The following ZNF311 variants were observed in gnomAD, a reference collection of about 807,000 sequenced individuals.
ZNF311 encodes zinc finger protein 311.
In ZNF311, 14 loss-of-function variants were observed where a neutral mutation model predicts 22.7. The observed-to-expected ratio is 0.62, with a 90% confidence interval of 0.41 to 0.96. ZNF311 has a LOEUF of 0.96. Ranked by LOEUF, ZNF311 falls within the 40% of genes least tolerant of loss-of-function variation. ZNF311 has a pLI of 0.00. For synonymous variants in ZNF311, 250 were observed against 275.3 expected (o/e 0.91, Z 0.91); for missense variants, 731 against 799.0 (o/e 0.91, Z 1.03).
chr6:28,999,403 G>A, intron 5 of ZNF311, 84 bp downstream of exon 5: 2 of 1,285,996 alleles, frequency 1.6e-6, no homozygotes, highest in South Asian at 4.5e-5. Flanking sequence ...CTTTCAATAT[G>A]AGACCTTATA....
At chr6:29,000,724 A>G (rs1780326862) in intron 3 of ZNF311, among the ~76,000 whole-genome samples, 1 of 152,136 alleles carries the variant, frequency 6.6e-6, no homozygotes, top group African/African-American at 2.4e-5. Context: ...GAAACTTTAT[A>G]AAGAGTGTCC....
Position 28,995,593 on chromosome 6 carries a change from C to T in ZNF311, c.1409G>A (p.Arg470His), listed in dbSNP as rs1471266659. Residue 470 changes from arginine to histidine, a missense_variant, in exon 7 of 7, where the codon CGT (arginine) becomes CAT (histidine). Transcript: ENST00000377179. This position sits in a 1 kb window ranked among gnomAD's most constrained non-coding sequence, Gnocchi z 4.7. ...TTTCCCACACTCCTCACACCTGTAA[C>T]GTTTCTCTTCAGTGTGGATCCTTCT... ...KHRRIHTEEK[R>H]YRCEECGKAF... 6.8e-6 allele frequency: 11 copies of T among 1,613,282 alleles called. No homozygotes were observed. The highest frequency in any genetic ancestry group is 9.3e-6 in the Non-Finnish European group (11 of 1,179,972).
At position 28,996,014 on chromosome 6, in the gene ZNF311, G is replaced by A; in HGVS notation, c.988C>T (p.Pro330Ser). Residue 330 changes from proline (P) to serine (S), a missense_variant, in exon 7 of 7, where the codon CCT becomes TCT. Coordinates refer to ENST00000377179, the MANE Select transcript of ZNF311 (RefSeq NM_001382360.1). ...TTCCCACAGTCCCTGCACTCGTGAG[G>A]CTTCTCCCCACTGTGGGTTTTTTTA... ...RHKKTHSGEK[P>S]HECRDCGKAF... 1 of 1,613,608 alleles carries A rather than the reference G, an allele frequency of 6.2e-7. No individual in the cohort carries two copies. The highest frequency in any genetic ancestry group is 1.6e-4 in the Middle Eastern group (1 of 6,062).
rs1289036715 is a variant in ZNF311 at position 29,003,765 on chromosome 6, C to T, written c.10-171G>A. ...AATACCTTATGAAAACTAGAAATGG[C>T]ATCTACAACTACAAAGCTTTAATGA... On this transcript the variant is annotated intron_variant, in intron 2 of 6. Transcript: ENST00000377179. 20 of 1,433,130 alleles carry T rather than the reference C, an allele frequency of 1.4e-5. No individual in the cohort carries two copies. In the Admixed American group the frequency reaches 3.8e-4, roughly 27 times the overall value. The allele number at this position is 1,433,130 out of a possible 1,614,324, so 88.8% of individuals were successfully genotyped here.
rs6456880 is a variant in ZNF311, at chr6:28,995,471, T to G, written c.1531A>C (p.Lys511Gln). 729,358 of 1,613,784 alleles carry G rather than the reference T, an allele frequency of 0.45. 177,008 individuals are homozygous for G. The highest frequency in any genetic ancestry group is 0.89 in the African/African-American group (66,671 of 74,980). Residue 511 changes from lysine to glutamine, a missense_variant, in exon 7 of 7, where the codon AAG becomes CAG. Coordinates refer to ENST00000377179, the MANE Select transcript of ZNF311 (RefSeq NM_001382360.1). This position sits in a 1 kb window ranked among gnomAD's most constrained non-coding sequence, Gnocchi z 4.7. ...CRDCGKTFQD[K>Q]HCLTIHQRIH... ...CTCTGATGGATGGTAAGGCAGTGCT[T>G]ATCTTGGAAGGTTTTCCCACAATCC...
chr6:28,998,590 C>G (rs1290677843), intron 6 of ZNF311, 144 bp downstream of exon 6: 1 of 579,742 alleles, frequency 1.7e-6, no homozygotes, highest in African/African-American at 1.9e-5. Flanking sequence ...TAGTTTGTCA[C>G]TGTTTCAATT....
Position 28,994,850 on chromosome 6 carries a change from A to G in ZNF311, c.*151T>C. The G allele has an allele frequency of 2.4e-6, 2 of 835,760 alleles. No individual in the cohort carries two copies. The highest frequency in any genetic ancestry group is 3.6e-6 in the Non-Finnish European group (2 of 561,050). The allele number at this position is 835,760 out of a possible 1,614,324, so 51.8% of individuals were successfully genotyped here. A position where few individuals can be genotyped will look rare whatever the true frequency, so the allele number is the denominator to read the frequency against. On this transcript the variant is annotated 3_prime_UTR_variant, in exon 7 of 7. Coordinates refer to ENST00000377179, the MANE Select transcript of ZNF311 (RefSeq NM_001382360.1). ...TAAACTCTTGGAAGTAAATGTGCTCACTGAAAAAATAGTGAATAAGAAGGT... is the reference window on the plus strand; with the variant it reads ...TAAACTCTTGGAAGTAAATGTGCTCGCTGAAAAAATAGTGAATAAGAAGGT...
chr6:28,998,596 C>T, intron 6 of ZNF311, 138 bp downstream of exon 6: 1 of 598,174 alleles, frequency 1.7e-6, no homozygotes, highest in Non-Finnish European at 2.9e-6. Context: ...GTCACTGTTT[C>T]AATTTTCTTT....
Position 29,000,008 on chromosome 6 carries a change from C to G in ZNF311, c.131G>C (p.Gly44Ala). The change falls in exon 4 of 7, where the codon GGA becomes GCA. Residue 44 changes from glycine to alanine, a missense_variant. Gly to Ala is a moderately conservative substitution (Grantham distance 60). Coordinates refer to ENST00000377179, the MANE Select transcript of ZNF311 (RefSeq NM_001382360.1). ...TGCTTGCGGCAGGTTTCCTTGGCTTCCATCTTTAGTGAAGGCAGGATATGG... is the reference window on the plus strand; with the variant it reads ...TGCTTGCGGCAGGTTTCCTTGGCTTGCATCTTTAGTGAAGGCAGGATATGG... ...PAPYPAFTKD[G>A]SQGNLPQADI... 1 of 1,613,680 alleles carries G rather than the reference C, an allele frequency of 6.2e-7. No individual in the cohort carries two copies. The highest frequency in any genetic ancestry group is 8.5e-7 in the Non-Finnish European group (1 of 1,179,928).
intron 1 of ZNF311, 58 bp from the exon 2 acceptor site, chr6:29,004,272 C>G: frequency 8.1e-7 from 1 of 1,238,784 alleles, no homozygotes; most frequent in Non-Finnish European, 1.0e-6. Context: ...TAGGGAGTCA[C>G]TGAGAACCTG....
At chr6:29,004,437 CCTTT>C (rs1382127208) in intron 1 of ZNF311, among the ~76,000 whole-genome samples, 58 of 32,146 alleles carry the variant, frequency 1.8e-3, no homozygotes, top group South Asian at 0.017. Flanking sequence ...TTGCCTTCCT[CCTTT>C]CTTTTTTTTT....
Position 28,995,339 on chromosome 6 carries a change from G to A in ZNF311, c.1663C>T (p.His555Tyr), listed in dbSNP as rs767910604. ...GCCATTCCACATACCTCACATTTGT[G>A]AGGCTTCTCTCCAGTGTGAATTCTT... Reference protein sequence around the residue: ...HRRIHTGEKPHKCEVCGMAFH... With the variant: ...HRRIHTGEKPYKCEVCGMAFH... The change falls in exon 7 of 7, where the codon CAC becomes TAC. Residue 555 changes from histidine (H) to tyrosine (Y), a missense_variant. His to Tyr is a moderately conservative substitution (Grantham distance 83). Transcript: ENST00000377179. This position sits in a 1 kb window ranked among gnomAD's most constrained non-coding sequence, Gnocchi z 4.7. 35 of 1,613,838 alleles carry A rather than the reference G, an allele frequency of 2.2e-5. No homozygotes were observed. The highest frequency in any genetic ancestry group is 3.3e-5 in the Admixed American group (2 of 59,998).
intron 6 of ZNF311, among the ~76,000 whole-genome samples, chr6:28,997,219 G>A (rs1480443039): frequency 6.6e-6 from 1 of 152,172 alleles, no homozygotes; most frequent in Non-Finnish European, 1.5e-5. Context: ...TTGGTACAGA[G>A]GAGGGAATGT....
chr6:28,995,135 T>C lies in ZNF311; in HGVS notation c.1867A>G (p.Ser623Gly), dbSNP rs755588175. 6.2e-7 allele frequency: 1 copy of C among 1,614,042 alleles called. No individual in the cohort carries two copies. The highest frequency in any genetic ancestry group is 1.1e-5 in the South Asian group (1 of 91,082). The change falls in exon 7 of 7, where the codon AGC becomes GGC. Residue 623 changes from serine (S) to glycine (G), a missense_variant. By Grantham distance (56) the Ser-to-Gly change is moderately conservative. Coordinates refer to ENST00000377179, the MANE Select transcript of ZNF311 (RefSeq NM_001382360.1). The surrounding 1 kb of genome is among the most constrained non-coding windows in gnomAD (Gnocchi z 4.7). ...CEECGKAFRV[S>G]SNLTGHKKRK... ...TTCTTATGTCCAGTAAGATTTGAGC[T>C]CACTCTAAAAGCTTTTCCACATTCC...
chr6:28,999,515 C>T lies in ZNF311; in HGVS notation c.282G>A (p.Leu94=). Residue 94 remains leucine, a synonymous_variant, in exon 5 of 7, where the codon TTG becomes TTA. Coordinates refer to ENST00000377179, the MANE Select transcript of ZNF311 (RefSeq NM_001382360.1). The part of the protein sequence containing the change: ...AQRHLYKDVM[L]ENYGNMVSLG... ...GTGATACCATGTTCCCATAATTTTCCAACATCACATCCTTATAGAGATGCC... is the reference window on the plus strand; with the variant it reads ...GTGATACCATGTTCCCATAATTTTCTAACATCACATCCTTATAGAGATGCC... The T allele has an allele frequency of 1.9e-6, 3 of 1,610,936 alleles. No individual in the cohort carries two copies. The highest frequency in any genetic ancestry group is 2.5e-6 in the Non-Finnish European group (3 of 1,179,158).
At chr6:28,997,130 GACGGCAGGTA>G (rs1295087272) in intron 6 of ZNF311, among the ~76,000 whole-genome samples, 1 of 152,232 alleles carries the variant, frequency 6.6e-6, no homozygotes, top group Non-Finnish European at 1.5e-5. Flanking sequence ...ATTGTGATCT[GACGGCAGGTA>G]AGGCCAGCTC....
rs765894057 is a variant in ZNF311 at position 28,996,470 on chromosome 6, C to T, written c.532G>A (p.Asp178Asn). 3 of 1,608,778 alleles carry T rather than the reference C, an allele frequency of 1.9e-6. No homozygotes were observed. The highest frequency in any genetic ancestry group is 2.5e-6 in the Non-Finnish European group (3 of 1,179,998). ...FNSLLKVDSR[D>N]PKVREVCVQD... is the part of the protein sequence containing the mutation. Reference sequence around the variant, plus strand: ...ACACAAACTTCTCTAACCTTAGGATCCCGGGAATCAACTTTTAGGAGACTG... The same window carrying T: ...ACACAAACTTCTCTAACCTTAGGATTCCGGGAATCAACTTTTAGGAGACTG... The change falls in exon 7 of 7, where the codon GAT becomes AAT. Residue 178 changes from aspartate (D) to asparagine (N), a missense_variant. Coordinates refer to ENST00000377179, the MANE Select transcript of ZNF311 (RefSeq NM_001382360.1).
chr6:28,998,945 A>T, intron 5 of ZNF311, 107 bp from the exon 6 acceptor site: 2 of 697,670 alleles, frequency 2.9e-6, no homozygotes, highest in Non-Finnish European at 4.6e-6. Flanking sequence ...ACAGGAAAGA[A>T]ATGTTAATTT....
chr6:28,999,652 A>G (rs555412711), intron 4 of ZNF311, 39 bp from the exon 5 acceptor site: 1 of 1,595,548 alleles, frequency 6.3e-7, no homozygotes, highest in African/African-American at 1.3e-5. Flanking sequence ...AGAAAACGCC[A>G]TAGTTTCCTC....
Sources: gnomAD v4.1 joint callset for allele counts (sites outside exome capture counted in the v4.1 genomes callset) on GRCh38, gnomAD v4.1.1 for gene constraint, Gnocchi (gnomAD v3.1) non-coding constraint, MANE v1.5 for transcripts, NCBI Gene and HGNC (gene_info 2026-07-23, HGNC 2026-07-21) for gene names.